The following HNF1B variants were observed in gnomAD, a reference collection of about 807,000 sequenced individuals.
HNF1B encodes hepatocyte nuclear factor 1-beta.
HNF1B carries 8 observed loss-of-function variants against 61.7 expected under a neutral mutation model. That is an observed-to-expected ratio of 0.13 (90% confidence interval 0.08 to 0.23). The LOEUF is 0.23. Among genes scored for constraint, HNF1B ranks in the 10% least tolerant of loss-of-function variants. The pLI is 1.00. For missense variants in HNF1B, 562 were observed against 714.5 expected (o/e 0.79, Z 2.43); for synonymous variants, 314 against 287.7 (o/e 1.09, Z -0.93).
At chr17:37,731,556 G>A in intron 4 of HNF1B, 39 bp downstream of exon 4, 2 of 1,522,562 alleles carry the variant, frequency 1.3e-6, no homozygotes, top group Non-Finnish European at 9.0e-7. Flanking sequence ...AACCAGGATG[G>A]TTGGGTTGCC....
chr17:37,687,100 G>T lies in HNF1B; in HGVS notation c.*272C>A. The T allele has an allele frequency of 1.6e-6, 1 of 618,984 alleles. No homozygotes were observed. The highest frequency in any genetic ancestry group is 1.9e-5 in the South Asian group (1 of 52,882). The allele number at this position is 618,984 out of a possible 1,614,324, so 38.3% of individuals were successfully genotyped here. ...CGGCTTTCTTGCTTCCTCTTCGGAG[G>T]TTCCTTGTCTCCCACCTCCAGGACA... On this transcript the variant is annotated 3_prime_UTR_variant, in exon 9 of 9. Transcript: ENST00000617811.
chr17:37,689,095 ATAT>A (rs964449080), intron 8 of HNF1B, among the ~76,000 whole-genome samples: 1 of 145,352 alleles, frequency 6.9e-6, no homozygotes, highest in African/African-American at 2.6e-5. Context: ...TGGTGAGCCG[ATAT>A]TATGCTACTG....
At chr17:37,734,762 G>A (rs2033785288) in intron 2 of HNF1B, among the ~76,000 whole-genome samples, 1 of 151,716 alleles carries the variant, frequency 6.6e-6, no homozygotes. Context: ...TCCTAGCTCT[G>A]GGTCCCTATG....
intron 6 of HNF1B, 129 bp downstream of exon 6, chr17:37,704,785 AAAG>A: frequency 9.9e-7 from 1 of 1,014,336 alleles, no homozygotes. Context: ...ATGAGAAACT[AAAG>A]AAGTTAAACC....
At chr17:37,742,183 G>A (rs1362237877) in intron 1 of HNF1B, among the ~76,000 whole-genome samples, 1 of 152,242 alleles carries the variant, frequency 6.6e-6, no homozygotes, top group African/African-American at 2.4e-5. Flanking sequence ...GAGCAGAGAA[G>A]CCTGGACTCC....
At chr17:37,712,643 T>C (rs1017224105) in intron 4 of HNF1B, among the ~76,000 whole-genome samples, 1 of 152,182 alleles carries the variant, frequency 6.6e-6, no homozygotes, top group Non-Finnish European at 1.5e-5. Flanking sequence ...GGGAAGACTA[T>C]GGACTCTGCA....
intron 1 of HNF1B, among the ~76,000 whole-genome samples, chr17:37,743,492 G>A (rs1598853082): frequency 1.3e-5 from 2 of 152,352 alleles, no homozygotes; most frequent in African/African-American, 4.8e-5. Flanking sequence ...CAGGCCCTCG[G>A]AGCACAAATT....
Position 37,699,173 on chromosome 17 carries a change from G to A in HNF1B, c.1556C>T (p.Pro519Leu). 3.1e-6 allele frequency: 5 copies of A among 1,613,986 alleles called. No individual in the cohort carries two copies. The highest frequency in any genetic ancestry group is 4.2e-6 in the Non-Finnish European group (5 of 1,179,908). The change falls in exon 8 of 9, where the codon CCC becomes CTC. Residue 519 changes from proline (P) to leucine (L), a missense_variant. Around this residue, in one of 6 missense-constraint regions of HNF1B, gnomAD observed 64 missense variants for 96.9 expected, o/e 0.66. Transcript: ENST00000617811. ...CCGGGAGGTGTGGGAATACTGGGGG[G>A]GTTCCTGCTTGTGTGCGTACACTGG... ...NSHMYAHKQEPPQYSHTSRFP... is the reference protein window; with the variant it reads ...NSHMYAHKQELPQYSHTSRFP...
intron 8 of HNF1B, among the ~76,000 whole-genome samples, chr17:37,691,877 C>T (rs1043935163): frequency 2.0e-5 from 3 of 152,124 alleles, no homozygotes; most frequent in African/African-American, 4.8e-5. Flanking sequence ...ACCCACCTGC[C>T]CCCTTGTCAG....
rs867895371 is a variant in HNF1B at position 37,713,840 on chromosome 17, C to T, written c.1046-3177G>A. ...CCAAGCATGTGGCAATCACTGGCCC[C>T]TGAGAGGGTGGCTGTAATCAGCCAG... On this transcript the variant is annotated intron_variant, in intron 4 of 8. Coordinates refer to ENST00000617811, the MANE Select transcript of HNF1B (RefSeq NM_000458.4). Among the ~76,000 whole-genome samples, 3 of 152,322 alleles carry T rather than the reference C, an allele frequency of 2.0e-5. No homozygotes were observed. The Middle Eastern group carries it at 0.01, about 518-fold the overall frequency.
At chr17:37,707,253 C>T (rs1217235938) in intron 5 of HNF1B, among the ~76,000 whole-genome samples, 1 of 151,850 alleles carries the variant, frequency 6.6e-6, no homozygotes, top group Non-Finnish European at 1.5e-5. Flanking sequence ...GTAGCTGGGA[C>T]AACAGGCATG....
chr17:37,730,811 GCCAGAAGAATGAAGGA>G (rs1279801268), intron 4 of HNF1B: 1 of 152,722 alleles, frequency 6.5e-6, no homozygotes, highest in East Asian at 1.9e-4. Flanking sequence ...AGCCAGCTTT[GCCAGAAGAATGAAGGA>G]CCAGAAGAAG....
chr17:37,697,004 A>G (rs78344682), intron 8 of HNF1B, among the ~76,000 whole-genome samples: 1 of 152,204 alleles, frequency 6.6e-6, no homozygotes, highest in African/African-American at 2.4e-5. Flanking sequence ...GTTCCTGACC[A>G]CAAAGACAAC....
rs767089938 is a variant in HNF1B at position 37,701,135 on chromosome 17, C to G, written c.1382G>C (p.Ser461Thr). The change falls in exon 7 of 9, where the codon AGT becomes ACT. Residue 461 changes from serine to threonine, a missense_variant. Ser to Thr is a moderately conservative substitution (Grantham distance 58). Transcript: ENST00000617811. The stretch of plus-strand genomic sequence containing the variant: ...CAGGGCTGCCAGGCTGCCGGCCACA[C>G]TGTTGATGACAGGGACACTCTGTGC... ...SQAQSVPVIN[S>T]VAGSLAALQP... 1.3e-6 allele frequency: 2 copies of G among 1,552,038 alleles called. No homozygotes were observed. Among genetic ancestry groups the G allele is most frequent in the African/African-American group, 2.7e-5 (2 of 73,276 alleles).
intron 5 of HNF1B, among the ~76,000 whole-genome samples, chr17:37,708,685 G>A (rs2032832173): frequency 6.6e-6 from 1 of 152,214 alleles, no homozygotes; most frequent in Admixed American, 6.5e-5. Context: ...ACTTGTCTGT[G>A]CCTCTCACAG....
Position 37,731,799 on chromosome 17 carries a change from A to C in HNF1B, c.841T>G (p.Ser281Ala). The stretch of plus-strand genomic sequence containing the variant: ...TTGGAGCCCAGGCCGTGGGCTTTGG[A>C]GGGGGACACCCCTCGCTGCAAACAT... ...AECLQRGVSP[S>A]KAHGLGSNLV... is the part of the protein sequence containing the mutation. The change falls in exon 4 of 9, where the codon TCC becomes GCC. Residue 281 changes from serine (S) to alanine (A), a missense_variant. Around this residue, in one of 6 missense-constraint regions of HNF1B, gnomAD observed 54 missense variants for 122.1 expected, o/e 0.44. Transcript: ENST00000617811. The C allele has an allele frequency of 6.5e-7, 1 of 1,535,598 alleles. No individual in the cohort carries two copies. The highest frequency in any genetic ancestry group is 8.8e-7 in the Non-Finnish European group (1 of 1,137,328).
At chr17:37,738,412 C>T (rs550945470) in intron 2 of HNF1B, among the ~76,000 whole-genome samples, 1 of 152,166 alleles carries the variant, frequency 6.6e-6, no homozygotes, top group Admixed American at 6.5e-5. Flanking sequence ...TAACAGAAGA[C>T]AAGAGTCATT....
At chr17:37,728,120 G>T (rs930338500) in intron 4 of HNF1B, among the ~76,000 whole-genome samples, 1 of 152,046 alleles carries the variant, frequency 6.6e-6, no homozygotes, top group African/African-American at 2.4e-5. Flanking sequence ...TCCTGCCTCA[G>T]CCTCCGGAGT....
At chr17:37,744,516 C>G (rs201781654) in intron 1 of HNF1B, 25 bp downstream of exon 1, 11 of 1,597,560 alleles carry the variant, frequency 6.9e-6, no homozygotes, top group South Asian at 1.1e-5. Flanking sequence ...TCGGGTGGGT[C>G]CCCTCCACCT....
Sources: allele counts gnomAD v4.1 joint callset (sites outside exome capture counted in the v4.1 genomes callset), GRCh38; gene constraint gnomAD v4.1.1; regional missense constraint gnomAD v4.1.1; transcripts MANE v1.5; gene names NCBI Gene and HGNC (gene_info 2026-07-23, HGNC 2026-07-21).